Variants in BCAT1 observed in about 807,000 individuals in gnomAD.
The protein encoded by BCAT1 is branched chain amino acid transaminase 1, also known as branched-chain-amino-acid aminotransferase, cytosolic.
BCAT1 carries 48 observed loss-of-function variants against 52.4 expected under a neutral mutation model. The observed-to-expected ratio is 0.92, with a 90% confidence interval of 0.73 to 1.16. The LOEUF is 1.16. BCAT1 is among the 50% of genes most tolerant of loss of function. BCAT1 has a pLI of 0.00. For missense variants in BCAT1, 451 were observed against 457.1 expected, an observed-to-expected ratio of 0.99 and a Z score of 0.12; for synonymous variants, 167 against 161.3, an observed-to-expected ratio of 1.04 and a Z score of -0.27.
intron 1 of BCAT1, among the ~76,000 whole-genome samples, chr12:24,947,403 C>A (rs140486038): frequency 1.3e-5 from 2 of 152,108 alleles, no homozygotes; most frequent in East Asian, 1.9e-4. Context: ...GACTTAAGCC[C>A]GGAGAATTTG....
At position 24,934,283 on chromosome 12, in the gene BCAT1, C is replaced by A. The variant is rs4246225; in HGVS notation, c.6+14644G>T. The stretch of plus-strand genomic sequence containing the variant: ...CACCATGTAAGATGTGCCTTGCTTC[C>A]TCTTCACCTTCTGCCATGATTGTAA... On this transcript the variant is annotated intron_variant, in intron 1 of 10. Transcript: ENST00000261192. 3.3e-5 allele frequency among the ~76,000 whole-genome samples: 5 copies of A among 152,128 alleles called. No homozygotes were observed. In the South Asian group the frequency reaches 6.2e-4, roughly 19 times the overall value.
chr12:24,912,005 T>C (rs1370667649), intron 1 of BCAT1, among the ~76,000 whole-genome samples: 3 of 152,176 alleles, frequency 2.0e-5, no homozygotes, highest in African/African-American at 4.8e-5. Context: ...CTGGATTGCT[T>C]TGGAGAAAAT....
chr12:24,921,060 T>G (rs1943493697), intron 1 of BCAT1, among the ~76,000 whole-genome samples: 1 of 152,018 alleles, frequency 6.6e-6, no homozygotes, highest in Non-Finnish European at 1.5e-5. Context: ...CCTCCACGTG[T>G]TCAGCACAGG....
chr12:24,847,742 T>G (rs779370901), intron 6 of BCAT1, among the ~76,000 whole-genome samples: 2 of 152,240 alleles, frequency 1.3e-5, no homozygotes, highest in Non-Finnish European at 2.9e-5. Flanking sequence ...CTTGGCTGCA[T>G]GCTAAAGAAT....
intron 10 of BCAT1, among the ~76,000 whole-genome samples, chr12:24,820,331 T>C (rs1173565122): frequency 6.6e-6 from 1 of 152,226 alleles, no homozygotes; most frequent in Non-Finnish European, 1.5e-5. Flanking sequence ...AGTAGGCATT[T>C]AGTAATCAGA....
intron 2 of BCAT1, among the ~76,000 whole-genome samples, chr12:24,896,493 G>A (rs956579184): frequency 8.5e-5 from 13 of 152,178 alleles, no homozygotes; most frequent in Non-Finnish European, 1.6e-4. Flanking sequence ...TTAGCAGGCC[G>A]GGCACAGTGG....
intron 1 of BCAT1, among the ~76,000 whole-genome samples, chr12:24,922,549 C>T (rs76725838): frequency 3.9e-5 from 6 of 152,230 alleles, no homozygotes; most frequent in African/African-American, 1.4e-4. Flanking sequence ...ATTCACAGGA[C>T]TCAATACTTT....
At chr12:24,892,460 T>C (rs1942870879) in intron 3 of BCAT1, among the ~76,000 whole-genome samples, 1 of 152,200 alleles carries the variant, frequency 6.6e-6, no homozygotes, top group East Asian at 1.9e-4. Context: ...TGGACACTTG[T>C]TAGAAATGAG....
intron 7 of BCAT1, among the ~76,000 whole-genome samples, chr12:24,840,018 A>T (rs1941128443): frequency 2.0e-5 from 3 of 152,202 alleles, no homozygotes; most frequent in African/African-American, 7.2e-5. Context: ...TATTAAAACT[A>T]AAGTTATCCC....
At chr12:24,937,218 T>C (rs1255690127) in intron 1 of BCAT1, among the ~76,000 whole-genome samples, 1 of 151,900 alleles carries the variant, frequency 6.6e-6, no homozygotes, top group African/African-American at 2.4e-5. Flanking sequence ...TTTGAGGAAG[T>C]AGCATCCAAT....
chr12:24,903,165 T>C (rs1392200829), intron 1 of BCAT1: 4 of 1,240,846 alleles, frequency 3.2e-6, no homozygotes, highest in Non-Finnish European at 3.1e-6. Context: ...CCCTCCAGCA[T>C]CCCTTGGGGA....
At chr12:24,949,295 C>A, upstream of BCAT1, 1 of 330,606 alleles carries the variant, frequency 3.0e-6, no homozygotes, top group Non-Finnish European at 5.5e-6. Context: ...GTGTTGCAAG[C>A]AAATGACACG....
At chr12:24,855,307 A>T (rs796345440) in intron 5 of BCAT1, among the ~76,000 whole-genome samples, 90 of 132,898 alleles carry the variant, frequency 6.8e-4, no homozygotes, top group African/African-American at 2.7e-3. Context: ...AGGAGCAGTT[A>T]AAAAAAAAAA....
chr12:24,826,987 A>AT (rs1940429143), intron 10 of BCAT1, among the ~76,000 whole-genome samples: 1 of 152,032 alleles, frequency 6.6e-6, no homozygotes, highest in Non-Finnish European at 1.5e-5. Context: ...TGTTGATTTT[A>AT]TATCCTGCAA....
In BCAT1 at chr12:24,815,877, T is replaced by A. The variant is rs1939856305; in HGVS notation, c.*2131A>T. 6.6e-6 allele frequency: 1 copy of A among 152,246 alleles called. No individual in the cohort carries two copies. The highest frequency in any genetic ancestry group is 2.1e-4 in the South Asian group (1 of 4,834). The allele number at this position is 152,246 out of a possible 1,614,324, so 9.4% of individuals were successfully genotyped here. ...ATGGCAAATAAATAATTCTCATTTC[T>A]CATAGGAATAGAAATTTAGTTACTA... On this transcript the variant is annotated 3_prime_UTR_variant, in exon 11 of 11. Transcript: ENST00000261192.
chr12:24,838,353 T>C (rs1941068948), intron 7 of BCAT1, among the ~76,000 whole-genome samples: 1 of 152,134 alleles, frequency 6.6e-6, no homozygotes, highest in Non-Finnish European at 1.5e-5. Flanking sequence ...CTGCTGAAAA[T>C]TGCTTTCTGG....
intron 1 of BCAT1, among the ~76,000 whole-genome samples, chr12:24,942,568 G>C (rs981221015): frequency 6.6e-6 from 1 of 151,838 alleles, no homozygotes; most frequent in African/African-American, 2.4e-5. Flanking sequence ...AAGATGGCTG[G>C]ACTTGGGCCA....
chr12:24,834,807 C>T (rs1940848093), intron 8 of BCAT1: 1 of 1,142,556 alleles, frequency 8.8e-7, no homozygotes, highest in Non-Finnish European at 1.1e-6. Flanking sequence ...AGTTCTGTGT[C>T]CTGAAAAAGA....
chr12:24,906,006 T>C (rs534904104), intron 1 of BCAT1, among the ~76,000 whole-genome samples: 3 of 151,162 alleles, frequency 2.0e-5, no homozygotes, highest in African/African-American at 7.3e-5. Flanking sequence ...CTGGGCAACA[T>C]GGCAAAACCC....
Sources: gnomAD v4.1 joint callset for allele counts (sites outside exome capture counted in the v4.1 genomes callset) on GRCh38, gnomAD v4.1.1 for gene constraint, MANE v1.5 for transcripts, NCBI Gene and HGNC (gene_info 2026-07-23, HGNC 2026-07-21) for gene names.